The following TBC1D32 variants were observed in gnomAD, a reference collection of about 807,000 sequenced individuals.
TBC1D32 encodes the protein TBC1 domain family member 32, also known as protein broad-minded.
A neutral mutation model predicts 170.3 loss-of-function variants in TBC1D32; 151 were observed. That is an observed-to-expected ratio of 0.89 (90% CI 0.78 to 1.01). The LOEUF (loss-of-function observed/expected upper bound fraction) is 1.01. TBC1D32 is among the 50% of genes least tolerant of loss of function. The probability of loss-of-function intolerance (pLI) is 0.00; values close to 1 mark genes in which losing one functional copy is unlikely to be tolerated. For synonymous variants in TBC1D32, 498 were observed against 488.0 expected (o/e 1.02, Z -0.27); for missense variants, 1,464 against 1,457.1 (o/e 1.00, Z -0.08).
At chr6:121,256,421 C>CCA (rs1298409915) in intron 15 of TBC1D32, 136 bp from the exon 16 acceptor site, 1 of 677,050 alleles carries the variant, frequency 1.5e-6, no homozygotes, top group Non-Finnish European at 2.5e-6. Flanking sequence ...ATTCACGTTC[C>CCA]CACCCATGCA....
Position 121,317,746 on chromosome 6 carries a change from A to T in TBC1D32, c.318-74T>A, listed in dbSNP as rs1375763632. 3 of 1,108,438 alleles carry T rather than the reference A, an allele frequency of 2.7e-6. No individual in the cohort carries two copies. The African/African-American group carries it at 4.9e-5, about 18-fold the overall frequency. The allele number at this position is 1,108,438 out of a possible 1,614,324, so 68.7% of individuals were successfully genotyped here. A position where few individuals can be genotyped will look rare whatever the true frequency, so the allele number is the denominator to read the frequency against. On this transcript the variant is annotated intron_variant, in intron 2 of 31. Coordinates refer to ENST00000398212, the MANE Select transcript of TBC1D32 (RefSeq NM_152730.6). ...AACAGTCAACTAGTTAAATTATCTA[A>T]TTTTTTTTCTATAAAAAGGGAAGTC...
intron 29 of TBC1D32, 136 bp downstream of exon 29, chr6:121,112,369 G>T: frequency 1.3e-6 from 1 of 743,266 alleles, no homozygotes; most frequent in Non-Finnish European, 2.0e-6. Context: ...AAGAGAATTA[G>T]TCAAAAAACA....
At chr6:121,121,722 T>C (rs760817835) in intron 26 of TBC1D32, among the ~76,000 whole-genome samples, 4 of 152,052 alleles carry the variant, frequency 2.6e-5, no homozygotes, top group Non-Finnish European at 5.9e-5. Flanking sequence ...CATTCTTTTA[T>C]CCATTCTTTC....
chr6:121,086,518 A>G (rs1282961039), intron 31 of TBC1D32, among the ~76,000 whole-genome samples: 6 of 152,154 alleles, frequency 3.9e-5, no homozygotes, highest in Non-Finnish European at 8.8e-5. Context: ...TGGTAATAGC[A>G]GCTGCAATAG....
At chr6:121,307,088 G>A (rs917669799) in intron 5 of TBC1D32, among the ~76,000 whole-genome samples, 1 of 151,644 alleles carries the variant, frequency 6.6e-6, no homozygotes, top group Non-Finnish European at 1.5e-5. Context: ...CAAAAGCAAT[G>A]ACACAGCCAG....
At chr6:121,292,885 G>A (rs923659606) in intron 11 of TBC1D32, among the ~76,000 whole-genome samples, 1 of 152,020 alleles carries the variant, frequency 6.6e-6, no homozygotes, top group African/African-American at 2.4e-5. Context: ...AAGGTTCGAC[G>A]AGACTGACAA....
At chr6:121,304,306 G>A (rs578014429) in intron 8 of TBC1D32, 59 bp downstream of exon 8, 33 of 1,490,000 alleles carry the variant, frequency 2.2e-5, no homozygotes, top group South Asian at 1.5e-4. Flanking sequence ...TGTCTGAAAC[G>A]TATATGGGGC....
chr6:121,080,215 CT>C lies in TBC1D32; in HGVS notation c.*555del, dbSNP rs370155731. 5,347 of 115,966 alleles carry C rather than the reference CT, an allele frequency of 0.046. 45 individuals are homozygous for C. Among genetic ancestry groups the C allele is most frequent in the African/African-American group, 0.07 (2,039 of 28,950 alleles). The allele number at this position is 115,966 out of a possible 1,614,324, so 7.2% of individuals were successfully genotyped here. On this transcript the variant is annotated 3_prime_UTR_variant, in exon 32 of 32. Transcript: ENST00000398212. ...TGAATAAAGGAGATGTAAGTTGGGA[CT>C]TTTTTTTTTTTTTTTTTTTTGAGAC...
Position 121,112,669 on chromosome 6 carries a change from A to G in TBC1D32, c.3170-10T>C. On this transcript the variant is annotated splice_polypyrimidine_tract_variant and intron_variant, in intron 28 of 31. Coordinates refer to ENST00000398212, the MANE Select transcript of TBC1D32 (RefSeq NM_152730.6). The stretch of plus-strand genomic sequence containing the variant: ...TTCCCTTGCAGGCAGACTGAAAAAC[A>G]CAGTTAAGAAAACTTTACAATATTT... The G allele has an allele frequency of 6.4e-7, 1 of 1,552,168 alleles. No individual in the cohort carries two copies.
chr6:121,282,161 A>C (rs1803109428), intron 13 of TBC1D32, among the ~76,000 whole-genome samples: 1 of 151,586 alleles, frequency 6.6e-6, no homozygotes, highest in Admixed American at 6.6e-5. Context: ...AAATTTCATA[A>C]ACTTTTATAG....
chr6:121,277,157 G>A (rs80041178), intron 15 of TBC1D32, among the ~76,000 whole-genome samples: 4,990 of 152,180 alleles, frequency 0.033, 192 homozygotes, highest in East Asian at 0.12. Context: ...AATACACTTT[G>A]AAAACTAGAA....
chr6:121,130,575 A>G (rs1349086248), intron 25 of TBC1D32, among the ~76,000 whole-genome samples: 1 of 152,174 alleles, frequency 6.6e-6, no homozygotes, highest in Non-Finnish European at 1.5e-5. Context: ...TTTTAATGGT[A>G]ATGTTCTACA....
rs781461289 is a variant in TBC1D32, at chr6:121,112,616, A to C, written c.3213T>G (p.Ser1071=). The part of the protein sequence containing the change: ...GNYAGHDWFV[S]SLFMIMLGDK... ...CTCCCAACATTATCATGAACAGAGA[A>C]GATACAAACCAGTCATGGCCAGCAT... The change falls in exon 29 of 32, where the codon TCT becomes TCG. Residue 1071 remains serine, a synonymous_variant. Coordinates refer to ENST00000398212, the MANE Select transcript of TBC1D32 (RefSeq NM_152730.6). 6.2e-7 allele frequency: 1 copy of C among 1,608,496 alleles called. No individual in the cohort carries two copies. Among genetic ancestry groups the C allele is most frequent in the Non-Finnish European group, 8.5e-7 (1 of 1,176,986 alleles).
chr6:121,314,364 C>G (rs1808641313), intron 3 of TBC1D32, among the ~76,000 whole-genome samples: 2 of 152,156 alleles, frequency 1.3e-5, no homozygotes, highest in Non-Finnish European at 2.9e-5. Flanking sequence ...CAGCAAAGTC[C>G]CTTTTGTCAT....
chr6:121,141,550 C>A (rs1046168395), intron 24 of TBC1D32, among the ~76,000 whole-genome samples: 17 of 152,176 alleles, frequency 1.1e-4, no homozygotes, highest in African/African-American at 3.4e-4. Flanking sequence ...CATGAAAAGT[C>A]TTCAGCAAAA....
At chr6:121,317,410 A>T (rs1423284256) in intron 3 of TBC1D32, 85 bp downstream of exon 3, 53 of 1,136,560 alleles carry the variant, frequency 4.7e-5, no homozygotes, top group Admixed American at 8.7e-5. Context: ...AGAAGGCAGG[A>T]AAAATATGGC....
rs1247681651 is a variant in TBC1D32, at chr6:121,126,473, A to G, written c.2900-12T>C. 6 of 1,583,608 alleles carry G rather than the reference A, an allele frequency of 3.8e-6. No individual in the cohort carries two copies. The East Asian group carries it at 1.3e-4, about 36-fold the overall frequency. ...TAATTCTATTAAGGCTGTAATAAAC[A>G]AAGGAATAATTAGGATATTAAAGGT... On this transcript the variant is annotated splice_polypyrimidine_tract_variant and intron_variant, in intron 25 of 31. Coordinates refer to ENST00000398212, the MANE Select transcript of TBC1D32 (RefSeq NM_152730.6).
chr6:121,107,398 A>T (rs979919626), intron 29 of TBC1D32, among the ~76,000 whole-genome samples: 1 of 151,962 alleles, frequency 6.6e-6, no homozygotes, highest in Admixed American at 6.6e-5. Context: ...ATAAATATTT[A>T]TGTAAATGTA....
At chr6:121,267,631 G>A (rs116940869) in intron 15 of TBC1D32, among the ~76,000 whole-genome samples, 3,643 of 152,240 alleles carry the variant, frequency 0.024, 163 homozygotes, top group East Asian at 0.12. Flanking sequence ...GCTTGAACTG[G>A]AGCCCACCGT....
Sources: gnomAD v4.1 joint callset for allele counts (sites outside exome capture counted in the v4.1 genomes callset) on GRCh38, gnomAD v4.1.1 for gene constraint, MANE v1.5 for transcripts, NCBI Gene and HGNC (gene_info 2026-07-23, HGNC 2026-07-21) for gene names.